The following AFTPH variants were observed in gnomAD, a reference collection of about 807,000 sequenced individuals.
AFTPH encodes aftiphilin, also known as aftiphilin protein.
Under a neutral mutation model 72.5 loss-of-function variants are expected in AFTPH, and 7 were observed. That is an observed-to-expected ratio of 0.10 (90% confidence interval 0.05 to 0.18). The LOEUF is 0.18. Ranked by LOEUF, AFTPH falls within the 10% of genes least tolerant of loss-of-function variation. The pLI is 1.00. For missense variants in AFTPH, 979 were observed against 1,060.5 expected (o/e 0.92, Z 1.07); for synonymous variants, 337 against 370.1 (o/e 0.91, Z 1.03).
intron 1 of AFTPH, among the ~76,000 whole-genome samples, chr2:64,528,008 A>G (rs938955290): frequency 6.6e-6 from 1 of 152,236 alleles, no homozygotes; most frequent in Non-Finnish European, 1.5e-5. Context: ...AATTGAGAAG[A>G]AGAGGGAAAT....
intron 8 of AFTPH, among the ~76,000 whole-genome samples, chr2:64,587,631 A>G (rs3770725): frequency 0.2 from 29,739 of 152,166 alleles, 4,022 homozygotes; most frequent in African/African-American, 0.38. Flanking sequence ...GAAGGAGTTA[A>G]ACAGTGGTCA....
chr2:64,574,928 C>G (rs3770732), intron 6 of AFTPH, among the ~76,000 whole-genome samples: 3,687 of 152,314 alleles, frequency 0.024, 147 homozygotes, highest in East Asian at 0.14. Flanking sequence ...ATTCTTATTC[C>G]TACAGTGTTA....
chr2:64,526,518 T>G (rs1669274642), intron 1 of AFTPH, among the ~76,000 whole-genome samples: 1 of 152,226 alleles, frequency 6.6e-6, no homozygotes, highest in Admixed American at 6.5e-5. Context: ...ACCTACACTT[T>G]GTAGATTAAA....
chr2:64,556,038 A>G (rs1671349235), intron 2 of AFTPH, among the ~76,000 whole-genome samples: 1 of 143,820 alleles, frequency 7.0e-6, no homozygotes, highest in Non-Finnish European at 1.5e-5. Context: ...CCCAGGCTGG[A>G]GTGCAGTGGC....
chr2:64,535,358 C>A (rs151162788), intron 1 of AFTPH, among the ~76,000 whole-genome samples: 1 of 152,086 alleles, frequency 6.6e-6, no homozygotes, highest in African/African-American at 2.4e-5. Context: ...TAATAGAAAG[C>A]TAAGGTTGAG....
intron 8 of AFTPH, among the ~76,000 whole-genome samples, chr2:64,586,913 A>T (rs1673553354): frequency 6.6e-6 from 1 of 152,250 alleles, no homozygotes; most frequent in Non-Finnish European, 1.5e-5. Flanking sequence ...ACCAAAAAGG[A>T]TGCTTTTATT....
chr2:64,524,514 TC>T lies in AFTPH; in HGVS notation c.-130del. 2.5e-6 allele frequency: 1 copy of T among 399,336 alleles called. No individual in the cohort carries two copies. The highest frequency in any genetic ancestry group is 4.4e-6 in the Non-Finnish European group (1 of 226,202). 24.7% of individuals were successfully genotyped at this position (399,336 alleles called of 1,614,324 possible). The stretch of plus-strand genomic sequence containing the variant: ...GCTGTGAGCAGCCGGCCTTCCGCTC[TC>T]ACCAGTTCCGCGTCGGAATAGACGG... On this transcript the variant is annotated 5_prime_UTR_variant, in exon 1 of 9. The change abolishes the stop of an existing upstream ORF in the 5' untranslated region. Transcript: ENST00000238856.
chr2:64,577,905 T>C (rs1672920613), intron 6 of AFTPH, among the ~76,000 whole-genome samples: 1 of 151,948 alleles, frequency 6.6e-6, no homozygotes, highest in South Asian at 2.1e-4. Flanking sequence ...AATATGTGTA[T>C]ATAGTTCTAT....
chr2:64,543,279 C>CT (rs1210055145), intron 1 of AFTPH, among the ~76,000 whole-genome samples: 1 of 152,144 alleles, frequency 6.6e-6, no homozygotes, highest in Non-Finnish European at 1.5e-5. Context: ...GATATGAGTT[C>CT]TTTGACAGTT....
intron 8 of AFTPH, among the ~76,000 whole-genome samples, chr2:64,590,816 G>C (rs969744053): frequency 1.3e-5 from 2 of 152,046 alleles, no homozygotes; most frequent in African/African-American, 2.4e-5. Context: ...TAACAGAAAA[G>C]TCCTAGGAAT....
At chr2:64,549,146 T>C (rs1670861488) in intron 1 of AFTPH, among the ~76,000 whole-genome samples, 2 of 152,118 alleles carry the variant, frequency 1.3e-5, no homozygotes, top group South Asian at 4.1e-4. Context: ...GTGGAAGATC[T>C]TAGGAAATTT....
chr2:64,536,129 A>T (rs1415017592), intron 1 of AFTPH, among the ~76,000 whole-genome samples: 1 of 152,236 alleles, frequency 6.6e-6, no homozygotes, highest in East Asian at 1.9e-4. Context: ...ATTGGAGAAT[A>T]GGAGATACAT....
intron 1 of AFTPH, among the ~76,000 whole-genome samples, chr2:64,528,110 CTAAT>C (rs1309330730): frequency 6.6e-6 from 1 of 152,186 alleles, no homozygotes. Flanking sequence ...AGATAGATTG[CTAAT>C]TAATTAAAGG....
intron 1 of AFTPH, among the ~76,000 whole-genome samples, chr2:64,545,378 CTTA>C (rs1330349670): frequency 6.6e-6 from 1 of 150,854 alleles, no homozygotes; most frequent in Non-Finnish European, 1.5e-5. Flanking sequence ...TCCTAGCATC[CTTA>C]TTATACATAC....
intron 1 of AFTPH, among the ~76,000 whole-genome samples, chr2:64,547,893 C>T (rs1670747122): frequency 1.3e-5 from 2 of 152,170 alleles, no homozygotes; most frequent in South Asian, 2.1e-4. Context: ...CCAAGCAATC[C>T]TCCCACCTTA....
intron 2 of AFTPH, among the ~76,000 whole-genome samples, chr2:64,553,873 C>G (rs1671202251): frequency 6.6e-6 from 1 of 151,148 alleles, no homozygotes; most frequent in South Asian, 2.1e-4. Context: ...CTAGGAAATT[C>G]AAGTACGGTT....
intron 1 of AFTPH, among the ~76,000 whole-genome samples, chr2:64,549,058 GT>G (rs1670854892): frequency 6.6e-6 from 1 of 152,138 alleles, no homozygotes; most frequent in Admixed American, 6.5e-5. Context: ...CTTTGGGAAA[GT>G]TACTCACTAG....
chr2:64,571,741 G>A (rs570048718), intron 5 of AFTPH, among the ~76,000 whole-genome samples: 5 of 152,198 alleles, frequency 3.3e-5, no homozygotes, highest in African/African-American at 1.2e-4. Flanking sequence ...TTTTGTCTAG[G>A]ATGTAACCTT....
chr2:64,542,427 G>A (rs1377601903), intron 1 of AFTPH, among the ~76,000 whole-genome samples: 1 of 152,156 alleles, frequency 6.6e-6, no homozygotes, highest in Non-Finnish European at 1.5e-5. Flanking sequence ...TCTTGTGGTT[G>A]TTCATCTAAC....
Sources: gnomAD v4.1 joint callset for allele counts (sites outside exome capture counted in the v4.1 genomes callset) on GRCh38, gnomAD v4.1.1 for gene constraint, MANE v1.5 for transcripts, NCBI Gene and HGNC (gene_info 2026-07-23, HGNC 2026-07-21) for gene names.